Variants in DMD observed in about 807,000 individuals in gnomAD.
The protein encoded by DMD is dystrophin, also known as mutant dystrophin.
DMD carries 63 observed loss-of-function variants against 330.1 expected under a neutral mutation model. That is an observed-to-expected ratio of 0.19 (90% CI 0.16 to 0.24). DMD has a LOEUF of 0.24. Ranked by LOEUF, DMD falls within the 10% of genes least tolerant of loss-of-function variation. The pLI is 1.00. For synonymous variants in DMD, 1,223 were observed against 959.8 expected (o/e 1.27, Z -5.07); for missense variants, 3,344 against 2,684.1 (o/e 1.25, Z -5.43).
intron 9 of DMD, among the ~76,000 whole-genome samples, chrX:32,674,428 C>A (rs1462043853): frequency 9.0e-6 from 1 of 111,569 alleles, no homozygotes; most frequent in Non-Finnish European, 1.9e-5. Context: ...GGGTGTATAG[C>A]AATGTTGGAT....
intron 63 of DMD, among the ~76,000 whole-genome samples, chrX:31,259,951 A>G (rs750013010): frequency 1.8e-5 from 2 of 111,932 alleles, no homozygotes; most frequent in South Asian, 7.5e-4. Context: ...TTTTCTATCA[A>G]TATGTCCATT....
chrX:31,353,206 C>T (rs755855862), intron 60 of DMD, among the ~76,000 whole-genome samples: 12 of 110,792 alleles, frequency 1.1e-4, no homozygotes, highest in African/African-American at 3.9e-4. Context: ...TTGAGGACGA[C>T]AGTGAGATAC....
intron 53 of DMD, among the ~76,000 whole-genome samples, chrX:31,661,680 G>A (rs1245770397): frequency 1.8e-5 from 2 of 111,732 alleles, no homozygotes; most frequent in Admixed American, 9.6e-5. Flanking sequence ...AATACTGTGA[G>A]CACTAGCTTA....
chrX:32,883,845 AAAAAAAG>A (rs1569538838), intron 2 of DMD, among the ~76,000 whole-genome samples: 1 of 103,449 alleles, frequency 9.7e-6, no homozygotes, highest in South Asian at 4.3e-4. Context: ...AAAAAAAAAA[AAAAAAAG>A]AAAATGACTT....
At chrX:32,439,886 T>C (rs1167466284) in intron 28 of DMD, among the ~76,000 whole-genome samples, 1 of 111,507 alleles carries the variant, frequency 9.0e-6, no homozygotes, top group Non-Finnish European at 1.9e-5. Flanking sequence ...CCTGCTTGTC[T>C]GTGTTGTGGG....
chrX:31,291,410 A>G (rs2053685101), intron 62 of DMD, among the ~76,000 whole-genome samples: 1 of 111,957 alleles, frequency 8.9e-6, no homozygotes, highest in African/African-American at 3.3e-5. Context: ...CGGCACATGT[A>G]TTCTATAGTC....
At chrX:31,910,991 C>T (rs2094540867) in intron 47 of DMD, among the ~76,000 whole-genome samples, 1 of 112,043 alleles carries the variant, frequency 8.9e-6, no homozygotes, top group African/African-American at 3.2e-5. Flanking sequence ...TAGGTACAGA[C>T]TTGTTTGTCT....
At chrX:32,916,096 T>G in intron 2 of DMD, among the ~76,000 whole-genome samples, 1 of 111,602 alleles carries the variant, frequency 9.0e-6, no homozygotes, top group Non-Finnish European at 1.9e-5. Context: ...ATTTTGCCTA[T>G]TTTAGAGTAC....
intron 7 of DMD, among the ~76,000 whole-genome samples, chrX:32,799,469 A>G (rs2076391436): frequency 9.0e-6 from 1 of 111,556 alleles, no homozygotes; most frequent in Non-Finnish European, 1.9e-5. Context: ...ACTAATATTC[A>G]AAAGACATCT....
intron 50 of DMD, among the ~76,000 whole-genome samples, chrX:31,797,622 C>A (rs1004545806): frequency 8.9e-6 from 1 of 111,930 alleles, no homozygotes; most frequent in Non-Finnish European, 1.9e-5. Context: ...ATAATTTGAA[C>A]TCAAGAAGCA....
chrX:32,511,534 A>G (rs1484584715), intron 18 of DMD, among the ~76,000 whole-genome samples: 4 of 106,954 alleles, frequency 3.7e-5, no homozygotes, highest in African/African-American at 1.4e-4. Flanking sequence ...GAAAAAAAAA[A>G]AAAAAAAAAA....
At position 32,891,711 on chromosome X, in the gene DMD, G is replaced by A. The variant is rs768596194; in HGVS notation, c.94-41891C>T. On this transcript the variant is annotated intron_variant, in intron 2 of 78. Coordinates refer to ENST00000357033, the MANE Select transcript of DMD (RefSeq NM_004006.3). ...TGTTGAGACAAAATGAAAACATAAG[G>A]AGAGTCTATCATCTGTAAATCACTA... Among the ~76,000 whole-genome samples, 5 of 111,793 alleles carry A rather than the reference G, an allele frequency of 4.5e-5. 1 individual carries two copies. The Admixed American group carries it at 4.7e-4, about 11-fold the overall frequency.
intron 62 of DMD, among the ~76,000 whole-genome samples, chrX:31,276,265 G>A (rs770083137): frequency 2.7e-5 from 3 of 111,306 alleles, no homozygotes; most frequent in Non-Finnish European, 3.8e-5. Context: ...CACCATGTTG[G>A]CCGGGCTGGT....
intron 1 of DMD, among the ~76,000 whole-genome samples, chrX:33,036,689 C>G (rs968804576): frequency 9.0e-6 from 1 of 110,949 alleles, no homozygotes; most frequent in African/African-American, 3.3e-5. Flanking sequence ...ATGAAAAGGT[C>G]TATAACGTTG....
chrX:33,134,893 G>A (rs938244109), intron 1 of DMD, among the ~76,000 whole-genome samples: 2 of 111,352 alleles, frequency 1.8e-5, no homozygotes, highest in South Asian at 3.8e-4. Flanking sequence ...CATATATTAC[G>A]TCTCCTATAT....
At chrX:32,365,438 A>C (rs184607503) in intron 34 of DMD, among the ~76,000 whole-genome samples, 1 of 111,188 alleles carries the variant, frequency 9.0e-6, no homozygotes, top group Admixed American at 9.6e-5. Context: ...ATATTTAATA[A>C]ACATACATAT....
chrX:31,809,374 A>G (rs1603474658), intron 50 of DMD, among the ~76,000 whole-genome samples: 3 of 109,158 alleles, frequency 2.7e-5, no homozygotes, highest in South Asian at 7.7e-4. Context: ...ATATTGGAGA[A>G]CAATTATGAG....
chrX:32,881,134 G>A (rs1023082344), intron 2 of DMD, among the ~76,000 whole-genome samples: 2 of 112,312 alleles, frequency 1.8e-5, no homozygotes, highest in Non-Finnish European at 3.8e-5. Context: ...AACTGTAGAT[G>A]CCAGTGTCAG....
chrX:32,100,060 G>A (rs1278055399), intron 44 of DMD, among the ~76,000 whole-genome samples: 3 of 110,469 alleles, frequency 2.7e-5, no homozygotes, highest in African/African-American at 9.9e-5. Context: ...TGGATTCAAT[G>A]CATTTGCCTC....
Sources: allele counts gnomAD v4.1 joint callset (sites outside exome capture counted in the v4.1 genomes callset), GRCh38; gene constraint gnomAD v4.1.1; transcripts MANE v1.5; gene names NCBI Gene and HGNC (gene_info 2026-07-23, HGNC 2026-07-21).